KCNIP4: variants seen among roughly 807,000 people sequenced by gnomAD.
KCNIP4 encodes potassium voltage-gated channel interacting protein 4.
In KCNIP4, 12 loss-of-function variants were observed where a neutral mutation model predicts 34.0. That is an observed-to-expected ratio of 0.35 (90% CI 0.23 to 0.57). KCNIP4 has a LOEUF of 0.57. Ranked by LOEUF, KCNIP4 falls within the 20% of genes least tolerant of loss-of-function variation. KCNIP4 has a pLI of 0.83. For synonymous variants in KCNIP4, 124 were observed against 102.2 expected (o/e 1.21, Z -1.29); for missense variants, 238 against 311.7 (o/e 0.76, Z 1.78).
intron 4 of KCNIP4, among the ~76,000 whole-genome samples, chr4:20,758,064 C>T (rs143668420): frequency 6.6e-6 from 1 of 152,276 alleles, no homozygotes; most frequent in African/African-American, 2.4e-5. Flanking sequence ...CCTCTTAATT[C>T]CCCCTACGTG....
intron 1 of KCNIP4, among the ~76,000 whole-genome samples, chr4:21,069,209 A>G (rs757143695): frequency 4.6e-5 from 7 of 152,108 alleles, no homozygotes; most frequent in Non-Finnish European, 7.3e-5. Context: ...CACCTAAAGT[A>G]TAATGTAAAT....
At chr4:21,605,134 G>A (rs1743539165) in intron 1 of KCNIP4, among the ~76,000 whole-genome samples, 1 of 152,192 alleles carries the variant, frequency 6.6e-6, no homozygotes, top group South Asian at 2.1e-4. Context: ...CTATGGCTCA[G>A]AAGCTAAGAG....
At chr4:21,252,628 AAAG>A (rs923445257) in intron 1 of KCNIP4, among the ~76,000 whole-genome samples, 5 of 152,170 alleles carry the variant, frequency 3.3e-5, no homozygotes, top group Admixed American at 1.3e-4. Context: ...AATAATAAAA[AAAG>A]AAGGTGAAAA....
At chr4:21,822,452 G>A (rs146550964) in intron 1 of KCNIP4, among the ~76,000 whole-genome samples, 6 of 151,962 alleles carry the variant, frequency 3.9e-5, no homozygotes, top group Non-Finnish European at 8.8e-5. Flanking sequence ...TGTCATCCAG[G>A]ACTCCATGAT....
chr4:21,396,284 G>GGT (rs1203884591), intron 1 of KCNIP4, among the ~76,000 whole-genome samples: 3 of 151,874 alleles, frequency 2.0e-5, no homozygotes. Flanking sequence ...GGCCGGGTGT[G>GGT]GTGGCTCACG....
chr4:21,446,281 C>G (rs1201917143), intron 1 of KCNIP4, among the ~76,000 whole-genome samples: 1 of 152,032 alleles, frequency 6.6e-6, no homozygotes, highest in Non-Finnish European at 1.5e-5. Context: ...TGGGTATATA[C>G]CCAAAGGATT....
At chr4:21,840,097 C>A (rs1424454110) in intron 1 of KCNIP4, among the ~76,000 whole-genome samples, 1 of 151,710 alleles carries the variant, frequency 6.6e-6, no homozygotes, top group South Asian at 2.1e-4. Context: ...TACAAAGCAC[C>A]GCGGAGGTAA....
chr4:21,619,635 G>T (rs978735162), intron 1 of KCNIP4, among the ~76,000 whole-genome samples: 3 of 152,174 alleles, frequency 2.0e-5, no homozygotes, highest in East Asian at 3.8e-4. Context: ...AGATCCCAAG[G>T]TGAGGCTCCC....
chr4:20,765,399 A>G (rs767108913), intron 3 of KCNIP4, among the ~76,000 whole-genome samples: 2 of 152,194 alleles, frequency 1.3e-5, no homozygotes, highest in Non-Finnish European at 2.9e-5. Context: ...GGAGAGAGGC[A>G]TGTGCAAAGG....
intron 1 of KCNIP4, among the ~76,000 whole-genome samples, chr4:21,918,747 G>T (rs760421975): frequency 1.2e-4 from 19 of 152,176 alleles, no homozygotes; most frequent in Non-Finnish European, 2.9e-5. Context: ...TTAAGACAGT[G>T]TCCGGTCAGA....
intron 1 of KCNIP4, among the ~76,000 whole-genome samples, chr4:21,214,389 T>C (rs1757422578): frequency 6.6e-6 from 1 of 152,302 alleles, no homozygotes; most frequent in African/African-American, 2.4e-5. Context: ...TTATAAATGG[T>C]CCGTTTACGT....
At chr4:21,067,641 T>C (rs1018328622) in intron 1 of KCNIP4, among the ~76,000 whole-genome samples, 3 of 151,846 alleles carry the variant, frequency 2.0e-5, no homozygotes, top group African/African-American at 7.3e-5. Context: ...TGAGTGAAAA[T>C]AGGCTGTAGC....
chr4:21,798,761 G>A (rs1463601593), intron 1 of KCNIP4, among the ~76,000 whole-genome samples: 4 of 151,894 alleles, frequency 2.6e-5, no homozygotes, highest in Admixed American at 6.6e-5. Context: ...CTATCTGAAA[G>A]TTTTGTATTC....
chr4:21,293,729 A>G (rs768761920), intron 1 of KCNIP4, among the ~76,000 whole-genome samples: 90 of 152,346 alleles, frequency 5.9e-4, no homozygotes, highest in African/African-American at 2.1e-3. Context: ...TCTGAAACAC[A>G]TATGATTTGG....
chr4:21,757,784 C>T (rs868621622), intron 1 of KCNIP4, among the ~76,000 whole-genome samples: 14 of 152,164 alleles, frequency 9.2e-5, no homozygotes, highest in Admixed American at 5.9e-4. Flanking sequence ...ACAAAGTTAG[C>T]GATGAAGCCA....
chr4:20,778,461 GAC>G (rs1197697818), intron 3 of KCNIP4, among the ~76,000 whole-genome samples: 1 of 152,080 alleles, frequency 6.6e-6, no homozygotes, highest in Non-Finnish European at 1.5e-5. Flanking sequence ...ATGTAGTTTT[GAC>G]ACACACACAA....
At chr4:21,121,231 G>T (rs1245141870) in intron 1 of KCNIP4, among the ~76,000 whole-genome samples, 4 of 152,284 alleles carry the variant, frequency 2.6e-5, no homozygotes, top group African/African-American at 9.6e-5. Context: ...CCCCACTGCT[G>T]TCCGGCCCCC....
chr4:21,247,455 AAG>A (rs976533410), intron 1 of KCNIP4, among the ~76,000 whole-genome samples: 6 of 151,382 alleles, frequency 4.0e-5, no homozygotes, highest in African/African-American at 1.5e-4. Flanking sequence ...TTCATGAACT[AAG>A]AGAGACAGGT....
At chr4:21,573,343 G>A (rs1466419753) in intron 1 of KCNIP4, among the ~76,000 whole-genome samples, 2 of 152,064 alleles carry the variant, frequency 1.3e-5, no homozygotes, top group Non-Finnish European at 2.9e-5. Flanking sequence ...TCTTTTATCA[G>A]TGGCTGTTTC....
Sources: allele counts gnomAD v4.1 joint callset (sites outside exome capture counted in the v4.1 genomes callset), GRCh38; gene constraint gnomAD v4.1.1; transcripts MANE v1.5; gene names NCBI Gene and HGNC (gene_info 2026-07-23, HGNC 2026-07-21).